The following MYO5B variants were observed in gnomAD, a reference collection of about 807,000 sequenced individuals.
MYO5B encodes the protein unconventional myosin-Vb.
In MYO5B, 143 loss-of-function variants were observed where a neutral mutation model predicts 229.3. The observed-to-expected ratio is 0.62, with a 90% CI of 0.54 to 0.72. The LOEUF (loss-of-function observed/expected upper bound fraction) is 0.72. Among genes scored for constraint, MYO5B ranks in the 30% least tolerant of loss-of-function variants. The pLI is 0.00. For missense variants in MYO5B, 2,321 were observed against 2,331.0 expected (o/e 1.00, Z 0.09); for synonymous variants, 918 against 885.2 (o/e 1.04, Z -0.66).
intron 31 of MYO5B, chr18:49,849,923 A>C (rs1266153545): frequency 4.1e-6 from 2 of 482,924 alleles, no homozygotes; most frequent in Non-Finnish European, 7.6e-6. Flanking sequence ...CGCCTTGCTG[A>C]ATCCCAAGCC....
chr18:50,096,371 C>G (rs2031551327), intron 1 of MYO5B, among the ~76,000 whole-genome samples: 1 of 152,100 alleles, frequency 6.6e-6, no homozygotes, highest in Non-Finnish European at 1.5e-5. Flanking sequence ...CATTCTGACT[C>G]AAGTGTTTGC....
chr18:49,866,786 C>G (rs552315049), intron 27 of MYO5B, among the ~76,000 whole-genome samples: 3 of 152,316 alleles, frequency 2.0e-5, no homozygotes, highest in Non-Finnish European at 4.4e-5. Context: ...AAGTACAGAT[C>G]ATGGCACTGC....
At chr18:50,184,901 A>AATAT (rs58650528) in intron 1 of MYO5B, among the ~76,000 whole-genome samples, 2 of 59,186 alleles carry the variant, frequency 3.4e-5, no homozygotes, top group African/African-American at 8.9e-5. Context: ...CACAGAAAAA[A>AATAT]ATATATATAT....
intron 27 of MYO5B, among the ~76,000 whole-genome samples, chr18:49,865,102 A>G (rs2024381012): frequency 6.6e-6 from 1 of 152,252 alleles, no homozygotes; most frequent in East Asian, 1.9e-4. Context: ...ATGAGATTCA[A>G]AATTTCCCAA....
chr18:49,936,888 G>T (rs1488920349), intron 15 of MYO5B, among the ~76,000 whole-genome samples: 3 of 152,096 alleles, frequency 2.0e-5, no homozygotes, highest in Non-Finnish European at 4.4e-5. Context: ...AGCAGGAGAA[G>T]TTGCTTTTAG....
At chr18:49,954,075 CAT>C (rs1481742763) in intron 13 of MYO5B, among the ~76,000 whole-genome samples, 2 of 104,934 alleles carry the variant, frequency 1.9e-5, no homozygotes, top group South Asian at 3.2e-4. Flanking sequence ...TGTGTGTATT[CAT>C]ATATATATAT....
At chr18:49,844,409 C>T (rs572963279) in intron 33 of MYO5B, among the ~76,000 whole-genome samples, 11 of 152,296 alleles carry the variant, frequency 7.2e-5, no homozygotes, top group East Asian at 1.9e-4. Context: ...CCCTCCCAAA[C>T]GAGGCCTCAT....
rs190307595 is a variant in MYO5B, at chr18:50,169,406, T to C, written c.27+25361A>G. ...ACATGACAGGTAGAGAAACCTGGCA[T>C]ACACCATCTTAAGCAAGTGATCAAA... On this transcript the variant is annotated intron_variant, in intron 1 of 39. Coordinates refer to ENST00000285039, the MANE Select transcript of MYO5B (RefSeq NM_001080467.3). 2.0e-3 allele frequency among the ~76,000 whole-genome samples: 250 copies of C among 127,636 alleles called. 60 individuals carry two copies. The highest frequency in any genetic ancestry group is 0.012 in the South Asian group (43 of 3,620). The allele number at this position is 127,636 out of a possible 152,430, so 83.7% of individuals were successfully genotyped here.
rs1181876118 is a variant in MYO5B at position 49,902,607 on chromosome 18, T to C, written c.2798A>G (p.Lys933Arg). ...GCAGACACTGACCTGCTCATCGATC[T>C]TCCGCTGCAGCTGGACCACCTTGTT... ...MENKVVQLQR[K>R]IDEQNKEFKT... Residue 933 changes from lysine (K) to arginine (R), a missense_variant, in exon 21 of 40, where the codon AAG becomes AGG. Lys to Arg is a conservative substitution (Grantham distance 26). Transcript: ENST00000285039. The C allele has an allele frequency of 2.5e-6, 4 of 1,612,528 alleles. No homozygotes were observed. The highest frequency in any genetic ancestry group is 3.3e-4 in the Middle Eastern group (2 of 5,994).
At chr18:50,125,279 A>G (rs1429352620) in intron 1 of MYO5B, among the ~76,000 whole-genome samples, 2 of 151,416 alleles carry the variant, frequency 1.3e-5, no homozygotes, top group Admixed American at 1.3e-4. Flanking sequence ...AGGAAAGAAA[A>G]CCAAACACCG....
intron 14 of MYO5B, among the ~76,000 whole-genome samples, chr18:49,952,289 G>A (rs1455907128): frequency 6.6e-6 from 1 of 152,212 alleles, no homozygotes; most frequent in Non-Finnish European, 1.5e-5. Context: ...CCCCTGCAGT[G>A]AGTTCAGTAT....
At chr18:50,155,297 A>G (rs114701261) in intron 1 of MYO5B, among the ~76,000 whole-genome samples, 1,609 of 152,308 alleles carry the variant, frequency 0.011, 36 homozygotes, top group African/African-American at 0.037. Context: ...CGTAGAATGA[A>G]GAATTGGTAA....
At chr18:50,113,166 CA>C (rs1212592354) in intron 1 of MYO5B, among the ~76,000 whole-genome samples, 1 of 152,040 alleles carries the variant, frequency 6.6e-6, no homozygotes, top group Non-Finnish European at 1.5e-5. Flanking sequence ...CATCCATTCT[CA>C]AAAAATATTT....
intron 12 of MYO5B, among the ~76,000 whole-genome samples, chr18:49,960,531 G>A (rs1037753903): frequency 6.6e-6 from 1 of 152,190 alleles, no homozygotes; most frequent in Non-Finnish European, 1.5e-5. Context: ...GAAGCATACA[G>A]TTCAGTGAGT....
intron 17 of MYO5B, among the ~76,000 whole-genome samples, chr18:49,913,560 G>A (rs1240151670): frequency 6.6e-6 from 1 of 152,080 alleles, no homozygotes; most frequent in East Asian, 1.9e-4. Context: ...GGCATGTGCT[G>A]TCCATACCCC....
chr18:50,160,022 C>T (rs568840280), intron 1 of MYO5B, among the ~76,000 whole-genome samples: 14 of 152,238 alleles, frequency 9.2e-5, no homozygotes, highest in Non-Finnish European at 5.9e-5. Context: ...CTCACGCAGA[C>T]GTGATGGCAT....
chr18:50,047,728 G>A (rs556376296), intron 2 of MYO5B, among the ~76,000 whole-genome samples: 39 of 152,110 alleles, frequency 2.6e-4, no homozygotes, highest in Non-Finnish European at 1.5e-5. Flanking sequence ...AAGAAAATGT[G>A]GCACATATAC....
chr18:50,046,418 A>G (rs1311417595), intron 2 of MYO5B, among the ~76,000 whole-genome samples: 6 of 152,216 alleles, frequency 3.9e-5, no homozygotes, highest in African/African-American at 1.2e-4. Flanking sequence ...CCATCACTTG[A>G]CTTCCAGGAA....
chr18:50,079,833 C>A (rs1232219481), intron 1 of MYO5B, among the ~76,000 whole-genome samples: 1 of 152,138 alleles, frequency 6.6e-6, no homozygotes, highest in African/African-American at 2.4e-5. Context: ...TGAATGCCTG[C>A]CTGCCTGCCC....
Sources: allele counts gnomAD v4.1 joint callset (sites outside exome capture counted in the v4.1 genomes callset), GRCh38; gene constraint gnomAD v4.1.1; transcripts MANE v1.5; gene names NCBI Gene and HGNC (gene_info 2026-07-23, HGNC 2026-07-21).